The following OR8G1 variants were observed in gnomAD, a reference collection of about 807,000 sequenced individuals.
OR8G1 encodes olfactory receptor family 8 subfamily G member 1, also known as olfactory receptor 8G1.
For missense variants in OR8G1, 372 were observed against 356.2 expected, an observed-to-expected ratio of 1.04 and a Z score of -0.36; for synonymous variants, 129 against 133.3, an observed-to-expected ratio of 0.97 and a Z score of 0.22.
intron 1 of OR8G1, among the ~76,000 whole-genome samples, chr11:124,243,896 C>T (rs11219526): frequency 0.28 from 42,218 of 151,256 alleles, 6,032 homozygotes; most frequent in South Asian, 0.39. Context: ...AACAAACCTG[C>T]ACATTCTGCA....
chr11:124,246,690 G>T (rs2512232), intron 1 of OR8G1, among the ~76,000 whole-genome samples: 77,437 of 151,294 alleles, frequency 0.51, 20,439 homozygotes, highest in South Asian at 0.7. Context: ...GAAATATATA[G>T]ATCACATGAC....
At position 124,243,599 on chromosome 11, in the gene OR8G1, A is replaced by G. The variant is rs557065276; in HGVS notation, c.-97+2235A>G. Among the ~76,000 whole-genome samples the G allele has an allele frequency of 5.9e-5, 9 of 152,118 alleles. 1 individual carries two copies. The highest frequency in any genetic ancestry group is 9.6e-5 in the African/African-American group (4 of 41,542). ...ACAGTCCTGTTGGGTTGTATAAACA[A>G]TCAATTCACGTATTCATTGTATTGG... On this transcript the variant is annotated intron_variant, in intron 1 of 2. Transcript: ENST00000641972.
intron 1 of OR8G1, among the ~76,000 whole-genome samples, chr11:124,242,684 A>G (rs544994961): frequency 6.6e-6 from 1 of 152,164 alleles, no homozygotes; most frequent in African/African-American, 2.4e-5. Flanking sequence ...TGCTTTATCC[A>G]TCATCCACTA....
At chr11:124,243,464 CCT>C (rs774206320) in intron 1 of OR8G1, among the ~76,000 whole-genome samples, 52 of 151,768 alleles carry the variant, frequency 3.4e-4, no homozygotes, top group Admixed American at 9.9e-4. Flanking sequence ...AAGTTGCATG[CCT>C]CTCTAACTTT....
Position 124,250,193 on chromosome 11 carries a change from T to G in OR8G1, c.518T>G (p.Leu173Trp), listed in dbSNP as rs1418458277. The G allele has an allele frequency of 6.2e-7, 1 of 1,613,810 alleles. No homozygotes were observed. The change falls in exon 3 of 3, where the codon TTG becomes TGG. Residue 173 changes from leucine to tryptophan, a missense_variant. Leu to Trp is a moderately conservative substitution (Grantham distance 61). Coordinates refer to ENST00000641972, the MANE Select transcript of OR8G1 (RefSeq NM_001002905.2). ...AGGGTTCAATTCTGCAAATTTGATT[T>G]GATTAACCATTATTTCTGTGATCTT... ...MFRVQFCKFD[L>W]INHYFCDLLP...
intron 1 of OR8G1, among the ~76,000 whole-genome samples, chr11:124,242,745 A>G (rs950303388): frequency 6.6e-6 from 1 of 152,010 alleles, no homozygotes; most frequent in African/African-American, 2.4e-5. Flanking sequence ...ATGTTTTCTT[A>G]TGAATTGTAT....
intron 1 of OR8G1, among the ~76,000 whole-genome samples, chr11:124,242,801 G>T (rs778501235): frequency 2.6e-5 from 4 of 151,968 alleles, no homozygotes; most frequent in Non-Finnish European, 5.9e-5. Context: ...TTTAAACTAA[G>T]ACTGGAAGTT....
chr11:124,243,277 T>C (rs1861777321), intron 1 of OR8G1, among the ~76,000 whole-genome samples: 2 of 152,108 alleles, frequency 1.3e-5, no homozygotes, highest in African/African-American at 2.4e-5. Flanking sequence ...AGGAGCCCTA[T>C]ATTTTTTATT....
chr11:124,246,601 T>C (rs1402013485), intron 1 of OR8G1, among the ~76,000 whole-genome samples: 2 of 151,624 alleles, frequency 1.3e-5, no homozygotes, highest in Middle Eastern at 3.2e-3. Flanking sequence ...TAAATAGCTA[T>C]TGGAATAGTA....
chr11:124,246,294 G>T (rs1162900136), intron 1 of OR8G1, among the ~76,000 whole-genome samples: 8 of 151,708 alleles, frequency 5.3e-5, no homozygotes. Context: ...TTATTCCTAG[G>T]TATTTGATGC....
rs528869507 is a variant in OR8G1 at position 124,241,112 on chromosome 11, G to A, written c.-349G>A. ...GAGGATGCTTGCCACCCTGAAGCTG[G>A]AGAAACAAAAACTGCAAAGTCATAA... On this transcript the variant is annotated 5_prime_UTR_variant, in exon 1 of 3. Coordinates refer to ENST00000641972, the MANE Select transcript of OR8G1 (RefSeq NM_001002905.2). 3.9e-5 allele frequency: 6 copies of A among 152,172 alleles called. No individual in the cohort carries two copies. Among genetic ancestry groups the A allele is most frequent in the African/African-American group, 1.4e-4 (6 of 41,540 alleles). 9.4% of individuals were successfully genotyped at this position (152,172 alleles called of 1,614,324 possible). A position where few individuals can be genotyped will look rare whatever the true frequency, so the allele number is the denominator to read the frequency against.
At position 124,250,075 on chromosome 11, in the gene OR8G1, GTCA is replaced by G. The variant is rs1565316639; in HGVS notation, c.405_407del (p.Ile136del). The stretch of plus-strand genomic sequence containing the variant: ...CATCTGTAGCCCCTTGCTGTACAGT[GTCA>G]TCATATCCAATAAGGCTTGCTTTTC... On this transcript the variant is annotated inframe_deletion, in exon 3 of 3. Coordinates refer to ENST00000641972, the MANE Select transcript of OR8G1 (RefSeq NM_001002905.2). 1 of 1,613,736 alleles carries G rather than the reference GTCA, an allele frequency of 6.2e-7. No homozygotes were observed. The highest frequency in any genetic ancestry group is 1.3e-5 in the African/African-American group (1 of 74,980).
chr11:124,250,199 A>G lies in OR8G1; in HGVS notation c.524A>G (p.Asn175Ser), dbSNP rs772112896. 4.6e-5 allele frequency: 75 copies of G among 1,613,584 alleles called. No individual in the cohort carries two copies. The highest frequency in any genetic ancestry group is 6.1e-5 in the Non-Finnish European group (72 of 1,179,826). The change falls in exon 3 of 3, where the codon AAC becomes AGC. Residue 175 changes from asparagine to serine, a missense_variant. Coordinates refer to ENST00000641972, the MANE Select transcript of OR8G1 (RefSeq NM_001002905.2). ...RVQFCKFDLI[N>S]HYFCDLLPLL... ...CAATTCTGCAAATTTGATTTGATTA[A>G]CCATTATTTCTGTGATCTTCTTCCC... is the stretch of plus-strand genomic sequence containing the variant.
chr11:124,247,279 C>T (rs1483136147), intron 1 of OR8G1, among the ~76,000 whole-genome samples: 2 of 151,188 alleles, frequency 1.3e-5, no homozygotes, highest in African/African-American at 4.9e-5. Flanking sequence ...AATGGTTGAT[C>T]GAGACAAAAA....
chr11:124,248,940 G>A (rs944507402), intron 2 of OR8G1, among the ~76,000 whole-genome samples: 1 of 151,940 alleles, frequency 6.6e-6, no homozygotes, highest in Non-Finnish European at 1.5e-5. Flanking sequence ...AGACACAAAC[G>A]GGTTATTTAA....
intron 1 of OR8G1, among the ~76,000 whole-genome samples, chr11:124,246,332 A>G (rs1861810476): frequency 6.6e-6 from 1 of 151,890 alleles, no homozygotes; most frequent in Admixed American, 6.6e-5. Flanking sequence ...ACGTGATACT[A>G]TTTTTAAATT....
chr11:124,251,458 A>G lies in OR8G1; in HGVS notation c.*847A>G. 1.3e-6 allele frequency: 1 copy of G among 791,444 alleles called. No homozygotes were observed. The highest frequency in any genetic ancestry group is 1.9e-6 in the Non-Finnish European group (1 of 538,336). The allele number at this position is 791,444 out of a possible 1,614,324, so 49.0% of individuals were successfully genotyped here. On this transcript the variant is annotated 3_prime_UTR_variant, in exon 3 of 3. Transcript: ENST00000641972. ...TCAAGTTGATTAAAATTTACTTTAG[A>G]AGGTTCTTCAAGAATCTATAATATA...
At chr11:124,245,413 A>G (rs1354496315) in intron 1 of OR8G1, among the ~76,000 whole-genome samples, 15 of 151,004 alleles carry the variant, frequency 9.9e-5, no homozygotes, top group Non-Finnish European at 2.2e-4. Flanking sequence ...CCAGTCTATC[A>G]TTGTTGGACA....
rs967874842 is a variant in OR8G1 at position 124,253,900 on chromosome 11, C to G, written c.*3289C>G. The G allele has an allele frequency of 1.3e-5, 2 of 152,072 alleles. No homozygotes were observed. The highest frequency in any genetic ancestry group is 2.9e-5 in the Non-Finnish European group (2 of 68,010). 9.4% of individuals were successfully genotyped at this position (152,072 alleles called of 1,614,324 possible). A position where few individuals can be genotyped will look rare whatever the true frequency, so the allele number is the denominator to read the frequency against. The stretch of plus-strand genomic sequence containing the variant: ...CAAATTTTTAAATCTAAATATTATT[C>G]CATTGTGCACATATACCACATTTTG... On this transcript the variant is annotated 3_prime_UTR_variant, in exon 3 of 3. Coordinates refer to ENST00000641972, the MANE Select transcript of OR8G1 (RefSeq NM_001002905.2).
Sources: gnomAD v4.1 joint callset for allele counts (sites outside exome capture counted in the v4.1 genomes callset) on GRCh38, gnomAD v4.1.1 for gene constraint, MANE v1.5 for transcripts, NCBI Gene and HGNC (gene_info 2026-07-23, HGNC 2026-07-21) for gene names.